The following EAF2 variants were observed in gnomAD, a reference collection of about 807,000 sequenced individuals.
EAF2 encodes the protein ELL-associated factor 2.
EAF2 carries 29 observed loss-of-function variants against 29.4 expected under a neutral mutation model. The observed-to-expected ratio is 0.99, with a 90% CI of 0.73 to 1.35. EAF2 has a LOEUF of 1.35. Among genes scored for constraint, EAF2 ranks in the 40% most tolerant of loss-of-function variants. The pLI is 0.00. For missense variants in EAF2, 292 were observed against 312.0 expected (o/e 0.94, Z 0.48); for synonymous variants, 103 against 102.5 (o/e 1.00, Z -0.03).
intron 5 of EAF2, among the ~76,000 whole-genome samples, chr3:121,877,467 C>G (rs1709119816): frequency 6.6e-6 from 1 of 151,756 alleles, no homozygotes; most frequent in South Asian, 2.1e-4. Flanking sequence ...CTTACTAGGA[C>G]AAAGGCAATA....
chr3:121,884,903 A>T (rs1029241108), intron 5 of EAF2, among the ~76,000 whole-genome samples: 5 of 152,234 alleles, frequency 3.3e-5, no homozygotes, highest in African/African-American at 1.2e-4. Context: ...TTTTTTAACC[A>T]TTGTAATTTA....
chr3:121,877,541 A>C (rs1364515037), intron 5 of EAF2, among the ~76,000 whole-genome samples: 2 of 151,950 alleles, frequency 1.3e-5, no homozygotes, highest in African/African-American at 4.8e-5. Context: ...AAATATAAAT[A>C]AATAAAAATT....
intron 4 of EAF2, among the ~76,000 whole-genome samples, chr3:121,862,541 C>G (rs577439710): frequency 7.2e-5 from 11 of 152,330 alleles, no homozygotes; most frequent in South Asian, 4.1e-4. Context: ...AAGGTCTTCT[C>G]TATGCTGTTT....
chr3:121,882,317 C>G (rs1195772512), intron 5 of EAF2, among the ~76,000 whole-genome samples: 1 of 150,000 alleles, frequency 6.7e-6, no homozygotes, highest in East Asian at 2.0e-4. Flanking sequence ...TCACTGCACT[C>G]CAGCCTGAGG....
chr3:121,862,341 C>T (rs933406866), intron 4 of EAF2, among the ~76,000 whole-genome samples: 41 of 152,318 alleles, frequency 2.7e-4, no homozygotes, highest in Middle Eastern at 3.4e-3. Flanking sequence ...TTCACATTGT[C>T]CCGTATTCCT....
intron 4 of EAF2, among the ~76,000 whole-genome samples, chr3:121,865,063 A>C (rs527261536): frequency 2.3e-4 from 35 of 152,270 alleles, no homozygotes; most frequent in Non-Finnish European, 3.8e-4. Flanking sequence ...GTAGTTTTTT[A>C]ATAGAGGCCT....
At chr3:121,870,560 A>G (rs971996067) in intron 4 of EAF2, among the ~76,000 whole-genome samples, 1 of 152,174 alleles carries the variant, frequency 6.6e-6, no homozygotes, top group Non-Finnish European at 1.5e-5. Context: ...CCTTTCAGAG[A>G]TCTAGAATCT....
chr3:121,854,065 C>G (rs1269110249), intron 2 of EAF2, among the ~76,000 whole-genome samples: 2 of 152,096 alleles, frequency 1.3e-5, no homozygotes, highest in Non-Finnish European at 2.9e-5. Flanking sequence ...CCTGTAATCA[C>G]AGCACTTTGG....
chr3:121,875,065 T>C (rs546729787), intron 5 of EAF2, among the ~76,000 whole-genome samples: 3 of 151,994 alleles, frequency 2.0e-5, no homozygotes, highest in African/African-American at 7.2e-5. Flanking sequence ...TAATCATAAC[T>C]TTCAGGGAAA....
chr3:121,840,641 T>C (rs1708401758), intron 1 of EAF2, among the ~76,000 whole-genome samples: 1 of 150,780 alleles, frequency 6.6e-6, no homozygotes. Flanking sequence ...CCGTCTCTAC[T>C]AAAAGTACAA....
chr3:121,851,620 C>A (rs1253028291), intron 2 of EAF2, among the ~76,000 whole-genome samples: 1 of 152,132 alleles, frequency 6.6e-6, no homozygotes, highest in Non-Finnish European at 1.5e-5. Flanking sequence ...ATGAGAAGAT[C>A]ATGGAGGGTC....
At chr3:121,848,096 T>C (rs1708561186) in intron 2 of EAF2, among the ~76,000 whole-genome samples, 1 of 152,228 alleles carries the variant, frequency 6.6e-6, no homozygotes, top group Non-Finnish European at 1.5e-5. Flanking sequence ...TGACAACTTA[T>C]GATAAAAACT....
intron 1 of EAF2, among the ~76,000 whole-genome samples, chr3:121,841,504 CAAA>C (rs57868658): frequency 4.0e-3 from 103 of 25,822 alleles, no homozygotes; most frequent in Non-Finnish European, 6.9e-3. Context: ...GACCCTGTCT[CAAA>C]AAAAAAAAAA....
chr3:121,864,378 G>T (rs1009345646), intron 4 of EAF2, among the ~76,000 whole-genome samples: 4 of 152,086 alleles, frequency 2.6e-5, no homozygotes, highest in African/African-American at 9.7e-5. Flanking sequence ...GATACAACGG[G>T]TCTTGAATTT....
chr3:121,860,732 TTGC>T (rs1369793499), intron 4 of EAF2, among the ~76,000 whole-genome samples: 1 of 152,208 alleles, frequency 6.6e-6, no homozygotes, highest in Non-Finnish European at 1.5e-5. Context: ...TTGTTTGCTC[TTGC>T]TTCTTTAGTT....
chr3:121,866,773 C>T (rs2107532679), intron 4 of EAF2, among the ~76,000 whole-genome samples: 1 of 151,950 alleles, frequency 6.6e-6, no homozygotes, highest in Non-Finnish European at 1.5e-5. Context: ...AATAAAATTA[C>T]CTGTCGTACC....
intron 4 of EAF2, among the ~76,000 whole-genome samples, chr3:121,870,621 G>A (rs1708994747): frequency 6.6e-6 from 1 of 152,076 alleles, no homozygotes; most frequent in East Asian, 1.9e-4. Context: ...AGACTTGGGG[G>A]AACCTGGAAA....
At chr3:121,853,989 A>G (rs547772602) in intron 2 of EAF2, among the ~76,000 whole-genome samples, 3 of 152,134 alleles carry the variant, frequency 2.0e-5, no homozygotes, top group Non-Finnish European at 4.4e-5. Flanking sequence ...AAAATGCCAG[A>G]TTTTAAAAAT....
At chr3:121,879,256 G>C (rs1172285370) in intron 5 of EAF2, among the ~76,000 whole-genome samples, 1 of 152,038 alleles carries the variant, frequency 6.6e-6, no homozygotes, top group African/African-American at 2.4e-5. Flanking sequence ...CCATTGAGTT[G>C]TTTGAATTTC....
Sources: gnomAD v4.1 joint callset for allele counts (sites outside exome capture counted in the v4.1 genomes callset) on GRCh38, gnomAD v4.1.1 for gene constraint, MANE v1.5 for transcripts, NCBI Gene and HGNC (gene_info 2026-07-23, HGNC 2026-07-21) for gene names.